ABL1: variants seen among roughly 807,000 people sequenced by gnomAD.
The protein encoded by ABL1 is ABL proto-oncogene 1, non-receptor tyrosine kinase.
In ABL1, 11 loss-of-function variants were observed where a neutral mutation model predicts 94.7. The ratio of observed to expected loss-of-function variants is 0.12; its 90% CI spans 0.07 to 0.19. The LOEUF is 0.19. Ranked by LOEUF, ABL1 falls within the 10% of genes least tolerant of loss-of-function variation. ABL1 has a pLI of 1.00. For synonymous variants in ABL1, 656 were observed against 622.4 expected (o/e 1.05, Z -0.80); for missense variants, 1,082 against 1,489.4 (o/e 0.73, Z 4.50).
rs139652805 is a variant in ABL1, at chr9:130,778,865, A to G, written c.136+64410A>G. The stretch of plus-strand genomic sequence containing the variant: ...AATTCCTGTGATATTATGGATTCCT[A>G]CGGGTAGGAAAAACACAGCCCATTC... On this transcript the variant is annotated intron_variant, in intron 1 of 10. Coordinates refer to the ABL1 transcript ENST00000372348. 1.5e-3 allele frequency among the ~76,000 whole-genome samples: 234 copies of G among 152,152 alleles called. 1 individual carries two copies. Among genetic ancestry groups the G allele is most frequent in the African/African-American group, 5.4e-3 (226 of 41,496 alleles).
intron 1 of ABL1, among the ~76,000 whole-genome samples, chr9:130,820,863 TTGAA>T (rs972508974): frequency 6.6e-6 from 1 of 152,222 alleles, no homozygotes; most frequent in African/African-American, 2.4e-5. Context: ...AATTTACCAT[TTGAA>T]TGTTCAATTC....
At chr9:130,813,582 A>G (rs1042913278) in intron 1 of ABL1, among the ~76,000 whole-genome samples, 10 of 150,968 alleles carry the variant, frequency 6.6e-5, no homozygotes, top group Non-Finnish European at 7.4e-5. Context: ...AAAAAAAAAA[A>G]AAAGAAAGTA....
chr9:130,812,100 C>T (rs1830217020), intron 1 of ABL1, among the ~76,000 whole-genome samples: 1 of 149,356 alleles, frequency 6.7e-6, no homozygotes, highest in African/African-American at 2.5e-5. Flanking sequence ...CAGAGTGGCT[C>T]ATGCCTGTAA....
upstream of ABL1, chr9:130,834,976 T>C: frequency 2.2e-6 from 1 of 452,816 alleles, no homozygotes; most frequent in South Asian, 1.6e-5. Context: ...TGCGCGCGGC[T>C]TCTAAAGTGG....
intron 1 of ABL1, among the ~76,000 whole-genome samples, chr9:130,847,752 T>TG (rs992279657): frequency 2.0e-5 from 3 of 152,188 alleles, no homozygotes; most frequent in African/African-American, 7.2e-5. Flanking sequence ...GAGACTGCCT[T>TG]GGATCGCCTG....
intron 1 of ABL1, among the ~76,000 whole-genome samples, chr9:130,821,361 C>T (rs775852046): frequency 6.6e-6 from 1 of 152,144 alleles, no homozygotes; most frequent in Non-Finnish European, 1.5e-5. Context: ...CTTTTCCGTA[C>T]GTTTCATGTA....
chr9:130,731,195 A>T (rs1442462054), intron 1 of ABL1, among the ~76,000 whole-genome samples: 4 of 148,546 alleles, frequency 2.7e-5, no homozygotes, highest in African/African-American at 4.9e-5. Context: ...TTAATAGAGA[A>T]GGGGTTTCAC....
chr9:130,883,669 G>C (rs1384870399), intron 10 of ABL1, among the ~76,000 whole-genome samples: 1 of 152,156 alleles, frequency 6.6e-6, no homozygotes, highest in African/African-American at 2.4e-5. Flanking sequence ...GCCAAGCAAA[G>C]GGTCAAAACC....
intron 1 of ABL1, among the ~76,000 whole-genome samples, chr9:130,806,791 A>C (rs975079103): frequency 6.6e-6 from 1 of 152,236 alleles, no homozygotes; most frequent in Non-Finnish European, 1.5e-5. Flanking sequence ...TTATTTTTTT[A>C]ACATAACAAT....
At chr9:130,751,122 T>A (rs541495196) in intron 1 of ABL1, among the ~76,000 whole-genome samples, 309 of 141,692 alleles carry the variant, frequency 2.2e-3, no homozygotes, top group Non-Finnish European at 3.4e-3. Flanking sequence ...TTGTTTTTTT[T>A]ATTCAGCTTT....
In ABL1 at chr9:130,885,049, A is replaced by G. The variant is rs781576625; in HGVS notation, c.2759A>G (p.Gln920Arg). The G allele has an allele frequency of 5.6e-6, 9 of 1,610,324 alleles. No homozygotes were observed. The highest frequency in any genetic ancestry group is 1.7e-5 in the Admixed American group (1 of 59,818). Residue 920 changes from glutamine to arginine, a missense_variant, in exon 11 of 11, where the codon CAG becomes CGG. Gln to Arg is a conservative substitution (Grantham distance 43). Coordinates refer to ENST00000318560, the MANE Select transcript of ABL1 (RefSeq NM_005157.6). The part of the protein sequence containing the change: ...AGGKPSQSPS[Q>R]EAAGEAVLGA... ...GGAAAGCCCTCGCAGAGCCCGAGCC[A>G]GGAGGCGGCCGGGGAGGCAGTCCTG... is the stretch of plus-strand genomic sequence containing the variant.
chr9:130,788,219 A>G (rs559075794), intron 1 of ABL1, among the ~76,000 whole-genome samples: 160 of 152,376 alleles, frequency 1.1e-3, no homozygotes, highest in Non-Finnish European at 1.8e-3. Flanking sequence ...AAATAATTTC[A>G]AACTTACAGA....
At chr9:130,758,721 C>T (rs1832072688) in intron 1 of ABL1, among the ~76,000 whole-genome samples, 1 of 152,244 alleles carries the variant, frequency 6.6e-6, no homozygotes, top group Non-Finnish European at 1.5e-5. Flanking sequence ...GTGTGAGCCA[C>T]CGCATCCGGC....
intron 1 of ABL1, among the ~76,000 whole-genome samples, chr9:130,728,477 C>G (rs979106287): frequency 6.6e-6 from 1 of 151,286 alleles, no homozygotes; most frequent in Non-Finnish European, 1.5e-5. Context: ...GCTCCACCTC[C>G]TGGGTTCATG....
At position 130,880,097 on chromosome 9, in the gene ABL1, T is replaced by A. The variant is rs1377422866; in HGVS notation, c.1453T>A (p.Ser485Thr). ...CWQWNPSDRP[S>T]FAEIHQAFET... ...GCAGTGGAATCCCTCTGACCGGCCC[T>A]CCTTTGCTGAAATCCACCAAGCCTT... The change falls in exon 9 of 11, where the codon TCC becomes ACC. Residue 485 changes from serine (S) to threonine (T), a missense_variant. Ser to Thr is a moderately conservative substitution (Grantham distance 58). This residue lies in a region of ABL1 where 76 missense variants were observed against 177.1 expected (regional missense o/e 0.43). Coordinates refer to ENST00000318560, the MANE Select transcript of ABL1 (RefSeq NM_005157.6). This position sits in a 1 kb window ranked among gnomAD's most constrained non-coding sequence, Gnocchi z 4.4. The A allele has an allele frequency of 6.2e-7, 1 of 1,614,178 alleles. No homozygotes were observed. Among genetic ancestry groups the A allele is most frequent in the Admixed American group, 1.7e-5 (1 of 60,024 alleles).
intron 1 of ABL1, among the ~76,000 whole-genome samples, chr9:130,840,938 C>T (rs535618270): frequency 1.3e-5 from 2 of 152,312 alleles, no homozygotes; most frequent in African/African-American, 4.8e-5. Context: ...AGTTTCAAAG[C>T]CATTAGGAAG....
chr9:130,743,223 C>A (rs1392614168), intron 1 of ABL1, among the ~76,000 whole-genome samples: 1 of 152,208 alleles, frequency 6.6e-6, no homozygotes, highest in African/African-American at 2.4e-5. Flanking sequence ...CAGGCTTGCG[C>A]CACCATGCCC....
intron 1 of ABL1, among the ~76,000 whole-genome samples, chr9:130,779,526 C>T (rs1829728750): frequency 6.6e-6 from 1 of 152,112 alleles, no homozygotes; most frequent in Non-Finnish European, 1.5e-5. Context: ...AGTCTTTATT[C>T]CCCAACGCTA....
At chr9:130,835,252 T>G, upstream of ABL1, 1 of 149,290 alleles carries the variant, frequency 6.7e-6, no homozygotes, top group Non-Finnish European at 1.5e-5. This position sits in a 1 kb window ranked among gnomAD's most constrained non-coding sequence, Gnocchi z 4.6. Context: ...TCCGGGCCCT[T>G]TGTTAACAGG....
Sources: gnomAD v4.1 joint callset for allele counts (sites outside exome capture counted in the v4.1 genomes callset) on GRCh38, gnomAD v4.1.1 for gene constraint, gnomAD v4.1.1 regional missense constraint, Gnocchi (gnomAD v3.1) non-coding constraint, MANE v1.5 for transcripts, NCBI Gene and HGNC (gene_info 2026-07-23, HGNC 2026-07-21) for gene names.